TMEM132D: variants seen among roughly 807,000 people sequenced by gnomAD.
TMEM132D encodes transmembrane protein 132D, also known as mature OL transmembrane protein.
In TMEM132D, 21 loss-of-function variants were observed where a neutral mutation model predicts 62.3. That is an observed-to-expected ratio of 0.34 (90% CI 0.24 to 0.49). TMEM132D has a LOEUF of 0.49. Ranked by LOEUF, TMEM132D falls within the 20% of genes least tolerant of loss-of-function variation. The pLI, the probability that TMEM132D is intolerant of heterozygous loss-of-function variation, is 0.99. For missense variants in TMEM132D, 1,346 were observed against 1,402.8 expected, an observed-to-expected ratio of 0.96 and a Z score of 0.65; for synonymous variants, 621 against 575.6, an observed-to-expected ratio of 1.08 and a Z score of -1.13.
intron 2 of TMEM132D, among the ~76,000 whole-genome samples, chr12:129,622,724 A>G (rs1360035098): frequency 6.6e-6 from 1 of 152,134 alleles, no homozygotes; most frequent in South Asian, 2.1e-4. Context: ...CTTCTTTTCC[A>G]TGTGGTCCCA....
At chr12:129,319,782 C>A (rs1252478517) in intron 4 of TMEM132D, among the ~76,000 whole-genome samples, 1 of 152,196 alleles carries the variant, frequency 6.6e-6, no homozygotes, top group Admixed American at 6.5e-5. Context: ...ATTGTCCTTT[C>A]CTGTTCCAAA....
At chr12:129,097,305 C>T (rs1292958812) in intron 5 of TMEM132D, among the ~76,000 whole-genome samples, 1 of 152,278 alleles carries the variant, frequency 6.6e-6, no homozygotes, top group Non-Finnish European at 1.5e-5. Context: ...CCAGTATTCT[C>T]AGCCCTGTTT....
At chr12:129,686,875 T>A (rs1215319378) in intron 2 of TMEM132D, among the ~76,000 whole-genome samples, 2 of 152,206 alleles carry the variant, frequency 1.3e-5, no homozygotes. Flanking sequence ...AATGGCCCTA[T>A]CTCAACTCCC....
At chr12:129,163,409 A>T (rs1041637333) in intron 5 of TMEM132D, among the ~76,000 whole-genome samples, 7 of 151,074 alleles carry the variant, frequency 4.6e-5, no homozygotes, top group Non-Finnish European at 5.9e-5. Flanking sequence ...CTCTTCCCCC[A>T]CCTCCCCAAG....
chr12:129,254,052 A>G (rs1162134852), intron 4 of TMEM132D, among the ~76,000 whole-genome samples: 2 of 152,252 alleles, frequency 1.3e-5, no homozygotes, highest in Non-Finnish European at 2.9e-5. Context: ...GTGTATCAAT[A>G]GAACCAACGT....
At chr12:129,734,148 A>G (rs1339249991) in intron 1 of TMEM132D, among the ~76,000 whole-genome samples, 1 of 152,204 alleles carries the variant, frequency 6.6e-6, no homozygotes, top group Non-Finnish European at 1.5e-5. Flanking sequence ...CTCTGGAGGA[A>G]TAAACAACCT....
At chr12:129,099,630 T>C (rs1875228213) in intron 5 of TMEM132D, among the ~76,000 whole-genome samples, 1 of 152,134 alleles carries the variant, frequency 6.6e-6, no homozygotes, top group Non-Finnish European at 1.5e-5. Flanking sequence ...TCAGCACAGT[T>C]CCACCTCCAG....
At chr12:129,318,987 T>C (rs1868581742) in intron 4 of TMEM132D, among the ~76,000 whole-genome samples, 2 of 152,094 alleles carry the variant, frequency 1.3e-5, no homozygotes, top group African/African-American at 2.4e-5. Context: ...TCCGCAACAG[T>C]CTGTCTCCAG....
chr12:129,544,984 T>C (rs1335822999), intron 2 of TMEM132D, among the ~76,000 whole-genome samples: 5 of 152,336 alleles, frequency 3.3e-5, no homozygotes, highest in African/African-American at 1.2e-4. Flanking sequence ...TGACTTGTGG[T>C]TTGCGTTCAT....
At chr12:129,793,313 G>GT (rs1163624982) in intron 1 of TMEM132D, among the ~76,000 whole-genome samples, 4 of 151,788 alleles carry the variant, frequency 2.6e-5, no homozygotes, top group Non-Finnish European at 4.4e-5. Flanking sequence ...ATCTTCTTGA[G>GT]TTTTTTTTCC....
intron 3 of TMEM132D, among the ~76,000 whole-genome samples, chr12:129,460,251 C>T (rs968761252): frequency 2.6e-5 from 4 of 152,102 alleles, no homozygotes; most frequent in Non-Finnish European, 4.4e-5. Flanking sequence ...CCGTGATGTC[C>T]GTGGATTCTT....
At chr12:129,381,524 T>G (rs147610834) in intron 3 of TMEM132D, among the ~76,000 whole-genome samples, 8 of 152,176 alleles carry the variant, frequency 5.3e-5, no homozygotes, top group African/African-American at 1.9e-4. Flanking sequence ...TAGGTAAATT[T>G]TTATTGATTC....
chr12:129,774,342 G>C (rs1289283958), intron 1 of TMEM132D, among the ~76,000 whole-genome samples: 1 of 152,136 alleles, frequency 6.6e-6, no homozygotes, highest in Admixed American at 6.5e-5. Flanking sequence ...CCACCCTTCA[G>C]ATCTCAAGGT....
At chr12:129,128,128 A>G (rs1462424140) in intron 5 of TMEM132D, among the ~76,000 whole-genome samples, 1 of 152,200 alleles carries the variant, frequency 6.6e-6, no homozygotes, top group Non-Finnish European at 1.5e-5. Flanking sequence ...CTTGGAAGGT[A>G]GAGAGTTCAC....
At chr12:129,765,495 G>C (rs1359959363) in intron 1 of TMEM132D, among the ~76,000 whole-genome samples, 1 of 151,854 alleles carries the variant, frequency 6.6e-6, no homozygotes, top group East Asian at 1.9e-4. Context: ...GAATCCAGGA[G>C]GTGGAGGTTG....
chr12:129,838,116 CCATTACA>C (rs1288733098), intron 1 of TMEM132D, among the ~76,000 whole-genome samples: 1 of 152,200 alleles, frequency 6.6e-6, no homozygotes, highest in Admixed American at 6.5e-5. Context: ...GTTGCTCTCT[CCATTACA>C]CAAACTGCTG....
chr12:129,133,794 G>A (rs761209756), intron 5 of TMEM132D, among the ~76,000 whole-genome samples: 3 of 152,204 alleles, frequency 2.0e-5, no homozygotes, highest in East Asian at 1.9e-4. Context: ...TTCCTTGTAC[G>A]CGCCAATTAG....
At chr12:129,392,385 A>G (rs1203406879) in intron 3 of TMEM132D, among the ~76,000 whole-genome samples, 1 of 152,166 alleles carries the variant, frequency 6.6e-6, no homozygotes, top group Admixed American at 6.5e-5. Context: ...AAAAGTTCCC[A>G]GCTGACTGAA....
intron 2 of TMEM132D, among the ~76,000 whole-genome samples, chr12:129,555,663 G>A (rs1877034836): frequency 6.6e-6 from 1 of 152,056 alleles, no homozygotes; most frequent in Non-Finnish European, 1.5e-5. Context: ...CAATGTCCAG[G>A]CCTTTTAAAG....
Sources: gnomAD v4.1 joint callset for allele counts (sites outside exome capture counted in the v4.1 genomes callset) on GRCh38, gnomAD v4.1.1 for gene constraint, MANE v1.5 for transcripts, NCBI Gene and HGNC (gene_info 2026-07-23, HGNC 2026-07-21) for gene names.